The following ZSWIM8 variants were observed in gnomAD, a reference collection of about 807,000 sequenced individuals.
ZSWIM8 encodes zinc finger SWIM-type containing 8.
A neutral mutation model predicts 173.7 loss-of-function variants in ZSWIM8; 27 were observed. That is an observed-to-expected ratio of 0.16 (90% CI 0.11 to 0.21). ZSWIM8 has a LOEUF of 0.21. Among genes scored for constraint, ZSWIM8 ranks in the 10% least tolerant of loss-of-function variants. ZSWIM8 has a pLI of 1.00. For missense variants in ZSWIM8, 1,627 were observed against 2,428.8 expected (o/e 0.67, Z 6.94); for synonymous variants, 958 against 962.0 (o/e 1.00, Z 0.08).
intron 11 of ZSWIM8, 25 bp downstream of exon 11, chr10:73,793,744 T>TCC: frequency 6.3e-7 from 1 of 1,579,190 alleles, no homozygotes; most frequent in African/African-American, 1.4e-5. Context: ...TCCTCTACCT[T>TCC]CCCCTCCCCC....
Position 73,797,155 on chromosome 10 carries a change from C to T in ZSWIM8, c.3317C>T (p.Ala1106Val), listed in dbSNP as rs1233370120. 1 of 1,613,690 alleles carries T rather than the reference C, an allele frequency of 6.2e-7. No homozygotes were observed. Among genetic ancestry groups the T allele is most frequent in the East Asian group, 2.2e-5 (1 of 44,896 alleles). The change falls in exon 17 of 26, where the codon GCA (alanine) becomes GTA (valine). Residue 1106 changes from alanine (A) to valine (V), a missense_variant. Physicochemically the swap from Ala to Val is moderately conservative, Grantham distance 64 (BLOSUM62 0). Around this residue, in one of 18 missense-constraint regions of ZSWIM8, gnomAD observed 163 missense variants for 193.2 expected, o/e 0.84. Coordinates refer to ENST00000604729, the MANE Select transcript of ZSWIM8 (RefSeq NM_001367799.1). The surrounding 1 kb of genome is among the most constrained non-coding windows in gnomAD (Gnocchi z 5.6). ...CCCTGTGAGGGTCTTCCATCTGAGG[C>T]AGCTTTGACCCCAAGGCCAGAAGGG... is the stretch of plus-strand genomic sequence containing the variant. ...HSPCEGLPSE[A>V]ALTPRPEGKV...
intron 1 of ZSWIM8, 83 bp downstream of exon 1, chr10:73,786,169 C>T (rs1236974694): frequency 2.2e-6 from 3 of 1,340,238 alleles, no homozygotes; most frequent in Non-Finnish European, 2.9e-6. Flanking sequence ...GAGCTGTCCC[C>T]GACCAAGAGC....
At position 73,792,402 on chromosome 10, in the gene ZSWIM8, G is replaced by A; in HGVS notation, c.1863G>A (p.Met621Ile). The A allele has an allele frequency of 1.2e-6, 2 of 1,604,568 alleles. No homozygotes were observed. The highest frequency in any genetic ancestry group is 1.7e-6 in the Non-Finnish European group (2 of 1,175,530). Residue 621 changes from methionine (M) to isoleucine (I), a missense_variant, in exon 10 of 26, where the codon ATG (methionine) becomes ATA (isoleucine). Physicochemically the swap from Met to Ile is conservative, Grantham distance 10. Coordinates refer to ENST00000604729, the MANE Select transcript of ZSWIM8 (RefSeq NM_001367799.1). This position sits in a 1 kb window ranked among gnomAD's most constrained non-coding sequence, Gnocchi z 4.3. ...CCCTGGAGCCAGACCTGGCCGAGAT[G>A]AGCCTGGATGACAGCAGCCTGGCCC... ...DSSLEPDLAE[M>I]SLDDSSLALG... is the part of the protein sequence containing the mutation.
chr10:73,788,135 C>T (rs2132654589), intron 1 of ZSWIM8, among the ~76,000 whole-genome samples: 1 of 151,694 alleles, frequency 6.6e-6, no homozygotes, highest in South Asian at 2.1e-4. Flanking sequence ...TTAGGCGCGC[C>T]AAAAGTGGTC....
chr10:73,800,726 G>A lies in ZSWIM8; in HGVS notation c.5089G>A (p.Val1697Ile), dbSNP rs1292741924. The change falls in exon 24 of 26, where the codon GTC becomes ATC. Residue 1697 changes from valine (V) to isoleucine (I), a missense_variant. Physicochemically the swap from Val to Ile is conservative, Grantham distance 29. Around this residue, in one of 18 missense-constraint regions of ZSWIM8, gnomAD observed 122 missense variants for 196.1 expected, o/e 0.62. Coordinates refer to ENST00000604729, the MANE Select transcript of ZSWIM8 (RefSeq NM_001367799.1). This position sits in a 1 kb window ranked among gnomAD's most constrained non-coding sequence, Gnocchi z 4.1. The stretch of plus-strand genomic sequence containing the variant: ...CCGCTCCCCCCCCTACACTGATGAT[G>A]TCAAATGGTTGCTGGGGCTGGCAGC... ...FSRSPPYTDDVKWLLGLAAKL... is the reference protein window; with the variant it reads ...FSRSPPYTDDIKWLLGLAAKL... The A allele has an allele frequency of 6.2e-7, 1 of 1,613,438 alleles. No individual in the cohort carries two copies.
rs1156437864 is a variant in ZSWIM8, at chr10:73,791,923, G to T, written c.1384G>T (p.Gly462Cys). The stretch of plus-strand genomic sequence containing the variant: ...GAAGGTGATTGAGAACGTCAAGCGG[G>T]GCCAACACAAGAAGACGCTGGAGCG... ...QLKVIENVKR[G>C]QHKKTLERLF... The change falls in exon 10 of 26, where the codon GGC becomes TGC. Residue 462 changes from glycine (G) to cysteine (C), a missense_variant. Physicochemically the swap from Gly to Cys is radical, Grantham distance 159. Around this residue, in one of 18 missense-constraint regions of ZSWIM8, gnomAD observed 103 missense variants for 155.6 expected, o/e 0.66. Transcript: ENST00000604729. This position sits in a 1 kb window ranked among gnomAD's most constrained non-coding sequence, Gnocchi z 6.0. 1.3e-6 allele frequency: 2 copies of T among 1,552,370 alleles called. No individual in the cohort carries two copies. Among genetic ancestry groups the T allele is most frequent in the Non-Finnish European group, 1.7e-6 (2 of 1,147,550 alleles).
Position 73,797,467 on chromosome 10 carries a change from C to T in ZSWIM8, c.3524C>T (p.Pro1175Leu). The stretch of plus-strand genomic sequence containing the variant: ...AGACCACTTCGAGGGGGCTGGGCCC[C>T]CACCTCCTGGGGTCGAGGTCAGGAC... ...SRRPLRGGWA[P>L]TSWGRGQDSD... Residue 1175 changes from proline to leucine, a missense_variant, in exon 18 of 26, where the codon CCC (proline) becomes CTC (leucine). Around this residue, in one of 18 missense-constraint regions of ZSWIM8, gnomAD observed 72 missense variants for 98.4 expected, o/e 0.73. Coordinates refer to ENST00000604729, the MANE Select transcript of ZSWIM8 (RefSeq NM_001367799.1). The surrounding 1 kb of genome is among the most constrained non-coding windows in gnomAD (Gnocchi z 5.6). 6.2e-7 allele frequency: 1 copy of T among 1,613,976 alleles called. No homozygotes were observed. Among genetic ancestry groups the T allele is most frequent in the Non-Finnish European group, 8.5e-7 (1 of 1,179,874 alleles).
chr10:73,785,738 C>A lies in ZSWIM8; in HGVS notation c.-141C>A. 1.2e-6 allele frequency: 1 copy of A among 862,928 alleles called. No individual in the cohort carries two copies. The highest frequency in any genetic ancestry group is 1.8e-6 in the Non-Finnish European group (1 of 546,164). The allele number at this position is 862,928 out of a possible 1,614,324, so 53.5% of individuals were successfully genotyped here. On this transcript the variant is annotated 5_prime_UTR_variant, in exon 1 of 26. Transcript: ENST00000604729. ...CTCTTTCCCAGGCCTGAGATTCTCG[C>A]CCGGCACGGCCGCCCTGAGCGCCCC...
Position 73,800,787 on chromosome 10 carries a change from GCCCCC to G in ZSWIM8, c.5122+34_5122+38del. On this transcript the variant is annotated intron_variant, in intron 24 of 25. Transcript: ENST00000604729. The surrounding 1 kb of genome is among the most constrained non-coding windows in gnomAD (Gnocchi z 4.1). ...AACACCTCCCCTCCCTAGGACCATT[GCCCCC>G]CCCCCACCTGCTCTCCCCACCTTCC... is the stretch of plus-strand genomic sequence containing the variant. 2 of 1,322,098 alleles carry G rather than the reference GCCCCC, an allele frequency of 1.5e-6. No individual in the cohort carries two copies. Among genetic ancestry groups the G allele is most frequent in the Non-Finnish European group, 2.1e-6 (2 of 973,030 alleles). The allele number at this position is 1,322,098 out of a possible 1,614,324, so 81.9% of individuals were successfully genotyped here.
chr10:73,792,463 G>C lies in ZSWIM8; in HGVS notation c.1924G>C (p.Glu642Gln). Reference protein sequence around the residue: ...AEASTFGGFPESPPPCPLHGG... With the variant: ...AEASTFGGFPQSPPPCPLHGG... ...GGCCAGCACCTTCGGGGGATTCCCT[G>C]AGAGCCCTCCACCCTGTCCTCTCCA... Residue 642 changes from glutamate (E) to glutamine (Q), a missense_variant, in exon 10 of 26, where the codon GAG becomes CAG. This residue lies in a region of ZSWIM8 where 383 missense variants were observed against 394.8 expected (regional missense o/e 0.97). Coordinates refer to ENST00000604729, the MANE Select transcript of ZSWIM8 (RefSeq NM_001367799.1). The surrounding 1 kb of genome is among the most constrained non-coding windows in gnomAD (Gnocchi z 4.3). 6.2e-7 allele frequency: 1 copy of C among 1,609,674 alleles called. No individual in the cohort carries two copies. The highest frequency in any genetic ancestry group is 1.1e-5 in the South Asian group (1 of 90,452).
In ZSWIM8 at chr10:73,790,152, T is replaced by A; in HGVS notation, c.821-20T>A. 1 of 1,611,160 alleles carries A rather than the reference T, an allele frequency of 6.2e-7. No homozygotes were observed. Among genetic ancestry groups the A allele is most frequent in the Non-Finnish European group, 8.5e-7 (1 of 1,178,242 alleles). On this transcript the variant is annotated intron_variant, in intron 6 of 25. Coordinates refer to ENST00000604729, the MANE Select transcript of ZSWIM8 (RefSeq NM_001367799.1). ...ATCCAGGCCCCTATCTCTAGATGAC[T>A]GACTGCCTGTCATCCTCAGACCCCA...
In ZSWIM8 at chr10:73,797,673, C is replaced by A; in HGVS notation, c.3662+68C>A. 6.3e-7 allele frequency: 1 copy of A among 1,576,894 alleles called. No homozygotes were observed. The highest frequency in any genetic ancestry group is 2.3e-5 in the East Asian group (1 of 44,330). On this transcript the variant is annotated intron_variant, in intron 18 of 25. Coordinates refer to ENST00000604729, the MANE Select transcript of ZSWIM8 (RefSeq NM_001367799.1). This position sits in a 1 kb window ranked among gnomAD's most constrained non-coding sequence, Gnocchi z 5.6. ...CTCAGAGCCACACCCCTAGTGCAAT[C>A]CAACCATTGTCTCCCAGCATCCTCA...
rs1216105800 is a variant in ZSWIM8 at position 73,791,222 on chromosome 10, C to T, written c.1143+46C>T. 3.8e-6 allele frequency: 6 copies of T among 1,566,376 alleles called. No individual in the cohort carries two copies. The highest frequency in any genetic ancestry group is 5.2e-6 in the Non-Finnish European group (6 of 1,150,352). On this transcript the variant is annotated intron_variant, in intron 8 of 25. Transcript: ENST00000604729. This position sits in a 1 kb window ranked among gnomAD's most constrained non-coding sequence, Gnocchi z 6.0. ...AGCCCCGTGGTAGCTCATTCTTTCC[C>T]TCCCCCTGCCTCATCCTCCTCTTGC...
chr10:73,798,856 C>T, intron 20 of ZSWIM8, 146 bp from the exon 21 acceptor site: 1 of 1,147,786 alleles, frequency 8.7e-7, no homozygotes, highest in Non-Finnish European at 1.2e-6. Flanking sequence ...ACTCACTGCT[C>T]TGATAATGGA....
rs1223655370 is a variant in ZSWIM8 at position 73,794,550 on chromosome 10, C to T, written c.2819C>T (p.Pro940Leu). The change falls in exon 14 of 26, where the codon CCC becomes CTC. Residue 940 changes from proline (P) to leucine (L), a missense_variant. Physicochemically the swap from Pro to Leu is moderately conservative, Grantham distance 98. Coordinates refer to ENST00000604729, the MANE Select transcript of ZSWIM8 (RefSeq NM_001367799.1). ...CCCAACTTTTATACAGTGGTTTCTC[C>T]CACAGGTTCCCGGCCCCCAAGTCGC... ...FDVLCAPVVS[P>L]TGSRPPSRNW... 6.4e-7 allele frequency: 1 copy of T among 1,561,628 alleles called. No homozygotes were observed. The highest frequency in any genetic ancestry group is 8.7e-7 in the Non-Finnish European group (1 of 1,152,062).
chr10:73,790,425 A>G, intron 7 of ZSWIM8, 133 bp downstream of exon 7: 1 of 1,305,842 alleles, frequency 7.7e-7, no homozygotes, highest in South Asian at 1.5e-5. Context: ...TGCCTGGCAC[A>G]CAGTTGTCAC....
At position 73,785,883 on chromosome 10, in the gene ZSWIM8, A is replaced by C; in HGVS notation, c.5A>C (p.Glu2Ala). M[E>A]LMFAEWEDGE... ...GCCCCGGGGGGTGCGGGCCCCATGGAGCTGATGTTTGCAGAGTGGGAGGAC... is the reference window on the plus strand; with the variant it reads ...GCCCCGGGGGGTGCGGGCCCCATGGCGCTGATGTTTGCAGAGTGGGAGGAC... Residue 2 changes from glutamate to alanine, a missense_variant, in exon 1 of 26, where the codon GAG becomes GCG. By Grantham distance (107) the Glu-to-Ala change is moderately radical. This residue lies in a region of ZSWIM8 where 60 missense variants were observed against 93.9 expected (regional missense o/e 0.64). Coordinates refer to ENST00000604729, the MANE Select transcript of ZSWIM8 (RefSeq NM_001367799.1). 6.5e-7 allele frequency: 1 copy of C among 1,537,106 alleles called. No homozygotes were observed. The highest frequency in any genetic ancestry group is 1.2e-5 in the South Asian group (1 of 82,360).
At chr10:73,793,190 G>C (rs2083484213) in intron 10 of ZSWIM8, among the ~76,000 whole-genome samples, 1 of 152,188 alleles carries the variant, frequency 6.6e-6, no homozygotes, top group African/African-American at 2.4e-5. Context: ...TTGCACTCCA[G>C]TCAGCTGAAT....
Position 73,799,320 on chromosome 10 carries a change from G to A in ZSWIM8, c.4495G>A (p.Gly1499Ser). The change falls in exon 21 of 26, where the codon GGT becomes AGT. Residue 1499 changes from glycine to serine, a missense_variant. By Grantham distance (56) the Gly-to-Ser change is moderately conservative. Around this residue, in one of 18 missense-constraint regions of ZSWIM8, gnomAD observed 275 missense variants for 290.1 expected, o/e 0.95. Coordinates refer to ENST00000604729, the MANE Select transcript of ZSWIM8 (RefSeq NM_001367799.1). ...VISVGSSLYP[G>S]PGLGHGHSPG... Reference sequence around the variant, plus strand: ...ATCGGTGGGGTCTAGTTTATACCCGGGTCCAGGACTGGGGCATGGCCACTC... The same window carrying A: ...ATCGGTGGGGTCTAGTTTATACCCGAGTCCAGGACTGGGGCATGGCCACTC... 2 of 1,608,662 alleles carry A rather than the reference G, an allele frequency of 1.2e-6. No homozygotes were observed. The highest frequency in any genetic ancestry group is 1.7e-6 in the Non-Finnish European group (2 of 1,177,734).
Sources: allele counts gnomAD v4.1 joint callset (sites outside exome capture counted in the v4.1 genomes callset), GRCh38; gene constraint gnomAD v4.1.1; regional missense constraint gnomAD v4.1.1; non-coding constraint Gnocchi (gnomAD v3.1); transcripts MANE v1.5; gene names NCBI Gene and HGNC (gene_info 2026-07-23, HGNC 2026-07-21).